Variants in GABRG3 observed in about 807,000 individuals in gnomAD.
The protein encoded by GABRG3 is gamma-aminobutyric acid type A receptor subunit gamma3.
GABRG3 carries 25 observed loss-of-function variants against 48.8 expected under a neutral mutation model. That is an observed-to-expected ratio of 0.51 (90% CI 0.37 to 0.72). The LOEUF is 0.72. Ranked by LOEUF, GABRG3 falls within the 30% of genes least tolerant of loss-of-function variation. The probability of loss-of-function intolerance (pLI) is 0.00; values close to 1 mark genes in which losing one functional copy is unlikely to be tolerated. For synonymous variants in GABRG3, 227 were observed against 217.6 expected (o/e 1.04, Z -0.38); for missense variants, 394 against 577.9 (o/e 0.68, Z 3.26).
chr15:27,202,903 A>G (rs1159785889), intron 3 of GABRG3, among the ~76,000 whole-genome samples: 1 of 151,982 alleles, frequency 6.6e-6, no homozygotes, highest in Non-Finnish European at 1.5e-5. Flanking sequence ...AAATATGTTC[A>G]TTTCCCCTCA....
intron 3 of GABRG3, among the ~76,000 whole-genome samples, chr15:27,031,979 A>C (rs2140687669): frequency 6.6e-6 from 1 of 152,340 alleles, no homozygotes; most frequent in East Asian, 1.9e-4. Context: ...AGTGTTTGAA[A>C]AAGAGTGGCC....
chr15:27,519,125 G>A (rs1405303965), intron 6 of GABRG3, among the ~76,000 whole-genome samples: 1 of 152,126 alleles, frequency 6.6e-6, no homozygotes, highest in Non-Finnish European at 1.5e-5. Flanking sequence ...TGGATTTCGG[G>A]CACTGGATGA....
At chr15:27,497,744 A>G (rs559254795) in intron 6 of GABRG3, among the ~76,000 whole-genome samples, 142 of 152,232 alleles carry the variant, frequency 9.3e-4, no homozygotes, top group South Asian at 1.7e-3. Flanking sequence ...TACCCTATGA[A>G]CACCAGGTAA....
chr15:27,186,318 C>T (rs949076459), intron 3 of GABRG3, among the ~76,000 whole-genome samples: 1 of 152,110 alleles, frequency 6.6e-6, no homozygotes, highest in Non-Finnish European at 1.5e-5. Flanking sequence ...CAGCTGCATC[C>T]ATGTTGTTCA....
chr15:27,277,611 CTGACATTGG>C (rs759532984), intron 3 of GABRG3, among the ~76,000 whole-genome samples: 18 of 152,142 alleles, frequency 1.2e-4, no homozygotes, highest in African/African-American at 2.9e-4. Flanking sequence ...TATTGATAAA[CTGACATTGG>C]TGACATTGGT....
rs891244635 is a variant in GABRG3, at chr15:27,541,594, C to A, written c.*8713C>A. The A allele has an allele frequency of 6.6e-6, 1 of 152,324 alleles. No individual in the cohort carries two copies. The highest frequency in any genetic ancestry group is 2.1e-4 in the South Asian group (1 of 4,836). 9.4% of individuals were successfully genotyped at this position (152,324 alleles called of 1,614,324 possible). A position where few individuals can be genotyped will look rare whatever the true frequency, so the allele number is the denominator to read the frequency against. Reference sequence around the variant, plus strand: ...GCACCGGTGTGGATGCGCTTGGCCCCGAGGGGGCCGCGCCCTGCCCCAGTG... The same window carrying A: ...GCACCGGTGTGGATGCGCTTGGCCCAGAGGGGGCCGCGCCCTGCCCCAGTG... On this transcript the variant is annotated 3_prime_UTR_variant, in exon 10 of 10. Coordinates refer to ENST00000615808, the MANE Select transcript of GABRG3 (RefSeq NM_033223.5).
At chr15:27,471,960 C>T (rs1458089443) in intron 5 of GABRG3, among the ~76,000 whole-genome samples, 2 of 152,150 alleles carry the variant, frequency 1.3e-5, no homozygotes, top group African/African-American at 4.8e-5. Context: ...TAAAATTTAT[C>T]ATCAACTTTG....
At chr15:27,149,181 C>T (rs550022385) in intron 3 of GABRG3, among the ~76,000 whole-genome samples, 9 of 152,012 alleles carry the variant, frequency 5.9e-5, no homozygotes, top group Admixed American at 2.0e-4. Flanking sequence ...ATAAACAGAA[C>T]ATATTGAATT....
chr15:27,281,617 C>T (rs914782672), intron 3 of GABRG3, among the ~76,000 whole-genome samples: 4 of 151,290 alleles, frequency 2.6e-5, no homozygotes, highest in Non-Finnish European at 4.4e-5. Context: ...TTGTATTTTT[C>T]GGACACTGTA....
At chr15:27,261,890 T>A (rs1010758395) in intron 3 of GABRG3, among the ~76,000 whole-genome samples, 1 of 143,800 alleles carries the variant, frequency 7.0e-6, no homozygotes, top group Non-Finnish European at 1.5e-5. Context: ...GTTTCTTCTG[T>A]TATTTTCCCT....
intron 6 of GABRG3, among the ~76,000 whole-genome samples, chr15:27,482,276 G>T (rs1890117652): frequency 1.3e-5 from 2 of 152,100 alleles, no homozygotes. Flanking sequence ...ATGTCCTTTG[G>T]ATAATAAAAA....
At chr15:27,470,851 A>G (rs2150840303) in intron 5 of GABRG3, among the ~76,000 whole-genome samples, 1 of 152,166 alleles carries the variant, frequency 6.6e-6, no homozygotes, top group East Asian at 1.9e-4. Context: ...AGTTTTTCCA[A>G]AGCCAAAGCT....
chr15:27,324,797 C>A (rs1434429436), intron 3 of GABRG3, among the ~76,000 whole-genome samples: 1 of 152,232 alleles, frequency 6.6e-6, no homozygotes, highest in Admixed American at 6.5e-5. Flanking sequence ...CAGGCCAGCA[C>A]CTCTCCCTCT....
At chr15:27,178,990 A>C (rs1358429077) in intron 3 of GABRG3, among the ~76,000 whole-genome samples, 1 of 152,164 alleles carries the variant, frequency 6.6e-6, no homozygotes, top group Non-Finnish European at 1.5e-5. Context: ...CTTGGGGAAG[A>C]GGGATTCTTG....
intron 5 of GABRG3, among the ~76,000 whole-genome samples, chr15:27,467,136 C>A (rs536373644): frequency 6.6e-6 from 1 of 152,122 alleles, no homozygotes; most frequent in South Asian, 2.1e-4. Context: ...TCAGCAGACC[C>A]GGTGTCTGGT....
In GABRG3 at chr15:27,265,881, G is replaced by GTTTTTTTTTTTTTTTT. The variant is rs147459440; in HGVS notation, c.271-60928_271-60927insTTTTTTTTTTTTTTTT. 1.6e-4 allele frequency among the ~76,000 whole-genome samples: 20 copies of GTTTTTTTTTTTTTTTT among 124,854 alleles called. 3 individuals are homozygous for GTTTTTTTTTTTTTTTT. Among genetic ancestry groups the GTTTTTTTTTTTTTTTT allele is most frequent in the East Asian group, 6.6e-4 (3 of 4,580 alleles). 81.9% of individuals were successfully genotyped at this position (124,854 alleles called of 152,430 possible). On this transcript the variant is annotated intron_variant, in intron 3 of 9. Coordinates refer to ENST00000615808, the MANE Select transcript of GABRG3 (RefSeq NM_033223.5). ...TGCAAGGTCAAGAAGATTTTCTCCT[G>GTTTTTTTTTTTTTTTT]GTTTTTTTTTTTTTTTGAGAGTGAC...
chr15:27,322,872 C>G (rs1893479244), intron 3 of GABRG3, among the ~76,000 whole-genome samples: 1 of 152,086 alleles, frequency 6.6e-6, no homozygotes, highest in Non-Finnish European at 1.5e-5. Flanking sequence ...GAAGGTTACT[C>G]AATGTCTTAG....
intron 3 of GABRG3, among the ~76,000 whole-genome samples, chr15:27,233,343 G>T (rs1889857148): frequency 6.6e-6 from 1 of 151,974 alleles, no homozygotes; most frequent in African/African-American, 2.4e-5. Flanking sequence ...GTCAGCTCAG[G>T]ATGCTCTAAC....
intron 2 of GABRG3, among the ~76,000 whole-genome samples, chr15:27,001,594 A>G (rs1052079369): frequency 7.9e-5 from 12 of 152,204 alleles, no homozygotes; most frequent in African/African-American, 1.7e-4. Context: ...TGCTTTAGCT[A>G]TGGTTTCACT....
Sources: gnomAD v4.1 joint callset for allele counts (sites outside exome capture counted in the v4.1 genomes callset) on GRCh38, gnomAD v4.1.1 for gene constraint, MANE v1.5 for transcripts, NCBI Gene and HGNC (gene_info 2026-07-23, HGNC 2026-07-21) for gene names.